XKR4: variants seen among roughly 807,000 people sequenced by gnomAD.
The protein encoded by XKR4 is XK related 4.
Under a neutral mutation model 53.9 loss-of-function variants are expected in XKR4, and 12 were observed. The ratio of observed to expected loss-of-function variants is 0.22; its 90% CI spans 0.14 to 0.36. The LOEUF (loss-of-function observed/expected upper bound fraction) is 0.36, where lower values mean the gene tolerates loss of function less well. Among genes scored for constraint, XKR4 ranks in the 10% least tolerant of loss-of-function variants. The pLI is 1.00. For synonymous variants in XKR4, 354 were observed against 362.4 expected (o/e 0.98, Z 0.26); for missense variants, 799 against 859.5 (o/e 0.93, Z 0.88).
chr8:55,497,026 C>T (rs16921899), intron 2 of XKR4, among the ~76,000 whole-genome samples: 8,035 of 152,204 alleles, frequency 0.053, 603 homozygotes, highest in East Asian at 0.28. Flanking sequence ...CCTCAATGTC[C>T]GGTAAATACA....
rs184375051 is a variant in XKR4, at chr8:55,449,886, G to T, written c.1007-73395G>T. ...TGGCTGTAAGGGTGCTGGTGCTGCC[G>T]CAGGCAGCCTGGCGGGAGCCAGATG... On this transcript the variant is annotated intron_variant, in intron 2 of 2. Coordinates refer to ENST00000327381, the MANE Select transcript of XKR4 (RefSeq NM_052898.2). The T allele has an allele frequency of 8.8e-6, 8 of 911,922 alleles. No individual in the cohort carries two copies. In the East Asian group the frequency reaches 1.9e-4, roughly 22 times the overall value. The allele number at this position is 911,922 out of a possible 1,614,324, so 56.5% of individuals were successfully genotyped here. A position where few individuals can be genotyped will look rare whatever the true frequency, so the allele number is the denominator to read the frequency against.
intron 1 of XKR4, among the ~76,000 whole-genome samples, chr8:55,335,088 T>C (rs987846725): frequency 1.8e-4 from 28 of 152,188 alleles, no homozygotes; most frequent in Non-Finnish European, 2.9e-5. Flanking sequence ...AGGGCCTGGA[T>C]TGTAGACATG....
chr8:55,195,049 T>C (rs1563480038), intron 1 of XKR4, among the ~76,000 whole-genome samples: 1 of 152,224 alleles, frequency 6.6e-6, no homozygotes, highest in South Asian at 2.1e-4. Context: ...CATCTATTTA[T>C]GCGAACAAGA....
chr8:55,212,855 G>A (rs1011953570), intron 1 of XKR4, among the ~76,000 whole-genome samples: 2 of 152,140 alleles, frequency 1.3e-5, no homozygotes, highest in African/African-American at 4.8e-5. Context: ...TTTTGTAACA[G>A]AATAGCTATA....
chr8:55,317,767 A>T (rs1803115533), intron 1 of XKR4, among the ~76,000 whole-genome samples: 1 of 152,154 alleles, frequency 6.6e-6, no homozygotes, highest in Non-Finnish European at 1.5e-5. Flanking sequence ...TGTCAAGAAA[A>T]TACTGTGGAA....
intron 2 of XKR4, among the ~76,000 whole-genome samples, chr8:55,493,454 A>C (rs748596017): frequency 8.5e-5 from 13 of 152,166 alleles, no homozygotes; most frequent in African/African-American, 4.8e-5. Context: ...TCTTCTTCCC[A>C]CATTTAATTT....
At chr8:55,139,921 A>G (rs1320345491) in intron 1 of XKR4, among the ~76,000 whole-genome samples, 2 of 152,224 alleles carry the variant, frequency 1.3e-5, no homozygotes, top group Non-Finnish European at 2.9e-5. Flanking sequence ...TATGTACACC[A>G]TTAAGCACAT....
chr8:55,337,070 G>T (rs895055685), intron 1 of XKR4, among the ~76,000 whole-genome samples: 1 of 152,090 alleles, frequency 6.6e-6, no homozygotes, highest in East Asian at 1.9e-4. Flanking sequence ...TCTGTGTGCC[G>T]CAGTTACATC....
At chr8:55,393,991 C>T (rs1220306997) in intron 2 of XKR4, among the ~76,000 whole-genome samples, 3 of 152,086 alleles carry the variant, frequency 2.0e-5, no homozygotes, top group Non-Finnish European at 2.9e-5. Flanking sequence ...TGAGGATTAA[C>T]GATGAAAGCA....
chr8:55,278,205 T>G (rs1447970027), intron 1 of XKR4, among the ~76,000 whole-genome samples: 1 of 152,070 alleles, frequency 6.6e-6, no homozygotes, highest in Non-Finnish European at 1.5e-5. Context: ...GGCATGGTGA[T>G]GCACACCTGT....
intron 2 of XKR4, among the ~76,000 whole-genome samples, chr8:55,387,353 G>C (rs1243888877): frequency 6.6e-6 from 1 of 152,160 alleles, no homozygotes; most frequent in Non-Finnish European, 1.5e-5. Context: ...TCACCACCAA[G>C]ATCTACATTG....
chr8:55,177,040 CTT>C (rs1227604133), intron 1 of XKR4, among the ~76,000 whole-genome samples: 6 of 143,966 alleles, frequency 4.2e-5, no homozygotes, highest in Admixed American at 1.4e-4. Context: ...TCTTCTTCTT[CTT>C]TTTTTTTTTT....
intron 2 of XKR4, among the ~76,000 whole-genome samples, chr8:55,486,073 A>T (rs1806186346): frequency 6.6e-6 from 1 of 152,206 alleles, no homozygotes; most frequent in Non-Finnish European, 1.5e-5. Flanking sequence ...AAATTTTTGC[A>T]AGCATAAACA....
chr8:55,198,761 T>A (rs541419541), intron 1 of XKR4, among the ~76,000 whole-genome samples: 29 of 152,306 alleles, frequency 1.9e-4, no homozygotes, highest in Admixed American at 6.5e-4. Context: ...TATAGCTGTA[T>A]AATATACAAC....
intron 2 of XKR4, among the ~76,000 whole-genome samples, chr8:55,511,196 A>G (rs1489568337): frequency 6.6e-6 from 1 of 152,148 alleles, no homozygotes; most frequent in Non-Finnish European, 1.5e-5. Flanking sequence ...AGACACACAG[A>G]AAAAGTCCTT....
rs1358544733 is a variant in XKR4 at position 55,295,971 on chromosome 8, T to A, written c.807-61707T>A. Among the ~76,000 whole-genome samples, 4 of 152,222 alleles carry A rather than the reference T, an allele frequency of 2.6e-5. No individual in the cohort carries two copies. In the East Asian group the frequency reaches 7.7e-4, roughly 29 times the overall value. On this transcript the variant is annotated intron_variant, in intron 1 of 2. Transcript: ENST00000327381. Reference sequence around the variant, plus strand: ...GTATTTCATAGACTAACAGTTCACCTGTTGTAGCAGAGAAATTCAAAATAA... The same window carrying A: ...GTATTTCATAGACTAACAGTTCACCAGTTGTAGCAGAGAAATTCAAAATAA...
intron 1 of XKR4, among the ~76,000 whole-genome samples, chr8:55,117,949 A>G (rs1816333344): frequency 6.6e-6 from 1 of 152,228 alleles, no homozygotes; most frequent in South Asian, 2.1e-4. Flanking sequence ...TTAAATTCTC[A>G]GCTATAAAAT....
chr8:55,513,059 G>A (rs982116296), intron 2 of XKR4, among the ~76,000 whole-genome samples: 2 of 152,136 alleles, frequency 1.3e-5, no homozygotes, highest in African/African-American at 4.8e-5. Flanking sequence ...GTGCTCCTTA[G>A]TTTCATTCAC....
chr8:55,287,162 G>A, intron 1 of XKR4, among the ~76,000 whole-genome samples: 1 of 129,682 alleles, frequency 7.7e-6, no homozygotes, highest in South Asian at 2.4e-4. Context: ...AATACAGGAA[G>A]AAATTTAAAT....
Sources: allele counts gnomAD v4.1 joint callset (sites outside exome capture counted in the v4.1 genomes callset), GRCh38; gene constraint gnomAD v4.1.1; transcripts MANE v1.5; gene names NCBI Gene and HGNC (gene_info 2026-07-23, HGNC 2026-07-21).